Variants in MACROD2 observed in about 807,000 individuals in gnomAD.
MACROD2 encodes mono-ADP ribosylhydrolase 2, also known as ADP-ribose glycohydrolase MACROD2.
In MACROD2, 36 loss-of-function variants were observed where a neutral mutation model predicts 70.4. The ratio of observed to expected loss-of-function variants is 0.51; its 90% CI spans 0.39 to 0.68. MACROD2 has a LOEUF of 0.68. MACROD2 is among the 30% of genes least tolerant of loss of function. The pLI, the probability that MACROD2 is intolerant of heterozygous loss-of-function variation, is 0.00. For missense variants in MACROD2, 496 were observed against 538.4 expected, an observed-to-expected ratio of 0.92 and a Z score of 0.78; for synonymous variants, 172 against 178.8, an observed-to-expected ratio of 0.96 and a Z score of 0.30.
intron 5 of MACROD2, among the ~76,000 whole-genome samples, chr20:15,106,793 A>G (rs536301017): frequency 6.6e-6 from 1 of 152,064 alleles, no homozygotes; most frequent in Admixed American, 6.6e-5. Context: ...TAGGTGCACA[A>G]ATATATCTCT....
intron 5 of MACROD2, among the ~76,000 whole-genome samples, chr20:14,796,702 C>T (rs530994399): frequency 1.3e-5 from 2 of 152,024 alleles, no homozygotes; most frequent in African/African-American, 2.4e-5. Context: ...TTCATATTCT[C>T]ACATACATAA....
At position 14,551,530 on chromosome 20, in the gene MACROD2, G is replaced by T. The variant is rs911335129; in HGVS notation, c.301+58022G>T. ...CACATTATATTGACAATATATTTTT[G>T]TTTACAAATATGCCAGGTGGCCTGG... On this transcript the variant is annotated intron_variant, in intron 4 of 17. Transcript: ENST00000684519. Among the ~76,000 whole-genome samples, 5 of 152,118 alleles carry T rather than the reference G, an allele frequency of 3.3e-5. No homozygotes were observed. In the South Asian group the frequency reaches 8.3e-4, roughly 25 times the overall value.
chr20:14,255,012 G>C (rs555800916), intron 3 of MACROD2, among the ~76,000 whole-genome samples: 2 of 151,670 alleles, frequency 1.3e-5, no homozygotes, highest in East Asian at 3.9e-4. Flanking sequence ...AGCTTAGTTT[G>C]GCTGGATATG....
chr20:15,517,639 G>C (rs993098437), intron 8 of MACROD2, among the ~76,000 whole-genome samples: 1 of 152,186 alleles, frequency 6.6e-6, no homozygotes, highest in Non-Finnish European at 1.5e-5. Flanking sequence ...AGGGGGAGTA[G>C]AGAAAGGGGT....
intron 8 of MACROD2, among the ~76,000 whole-genome samples, chr20:15,582,119 C>T (rs2048533306): frequency 9.2e-6 from 1 of 108,780 alleles, no homozygotes; most frequent in African/African-American, 2.6e-5. Context: ...CAGACTCGGT[C>T]TCAAAAAAAA....
intron 15 of MACROD2, among the ~76,000 whole-genome samples, chr20:16,000,651 A>G (rs1013652676): frequency 6.6e-6 from 1 of 152,202 alleles, no homozygotes. Flanking sequence ...AGAAGGTTCT[A>G]CCTACTTTCC....
At chr20:15,868,140 G>A (rs561224729) in intron 9 of MACROD2, among the ~76,000 whole-genome samples, 2 of 152,286 alleles carry the variant, frequency 1.3e-5, no homozygotes, top group East Asian at 1.9e-4. Context: ...GGCCATTGCC[G>A]CAGTCTTTGC....
At chr20:15,902,222 C>G (rs1224661508) in intron 10 of MACROD2, among the ~76,000 whole-genome samples, 1 of 152,156 alleles carries the variant, frequency 6.6e-6, no homozygotes, top group Non-Finnish European at 1.5e-5. Flanking sequence ...ACTCATTCCA[C>G]ATACTTTTGT....
At chr20:15,124,243 A>T (rs1398434472) in intron 5 of MACROD2, among the ~76,000 whole-genome samples, 1 of 150,646 alleles carries the variant, frequency 6.6e-6, no homozygotes, top group African/African-American at 2.4e-5. Flanking sequence ...AAGTAATTTT[A>T]AAAATGTTGG....
chr20:15,503,114 T>G (rs1328477542), intron 8 of MACROD2, among the ~76,000 whole-genome samples: 2 of 152,184 alleles, frequency 1.3e-5, no homozygotes, highest in Non-Finnish European at 2.9e-5. Flanking sequence ...ATGTCTGTTA[T>G]AAATGTAAAT....
chr20:15,431,172 C>G (rs758458621), intron 6 of MACROD2, among the ~76,000 whole-genome samples: 3 of 152,008 alleles, frequency 2.0e-5, no homozygotes, highest in Non-Finnish European at 4.4e-5. Flanking sequence ...AATTGCCTCA[C>G]AAGATTCCTG....
intron 3 of MACROD2, among the ~76,000 whole-genome samples, chr20:14,117,929 C>G (rs2054535924): frequency 6.6e-6 from 1 of 152,128 alleles, no homozygotes; most frequent in Non-Finnish European, 1.5e-5. Context: ...ATTTTACTTC[C>G]ATGACTAGGT....
intron 5 of MACROD2, among the ~76,000 whole-genome samples, chr20:14,867,155 G>T (rs1230820074): frequency 6.6e-6 from 1 of 152,152 alleles, no homozygotes; most frequent in Non-Finnish European, 1.5e-5. Flanking sequence ...TAAATACTGA[G>T]TTCCTGGAGA....
intron 8 of MACROD2, among the ~76,000 whole-genome samples, chr20:15,747,686 G>A (rs1455254807): frequency 6.6e-6 from 1 of 152,056 alleles, no homozygotes; most frequent in Admixed American, 6.5e-5. Flanking sequence ...ATTATTTCCA[G>A]AATTTTTTTT....
chr20:16,007,834 G>A (rs1485738530), intron 15 of MACROD2, among the ~76,000 whole-genome samples: 2 of 152,016 alleles, frequency 1.3e-5, no homozygotes, highest in African/African-American at 2.4e-5. Flanking sequence ...TATGACACTC[G>A]AGAGGGTATG....
At chr20:15,051,791 C>T (rs547492800) in intron 5 of MACROD2, among the ~76,000 whole-genome samples, 11 of 151,222 alleles carry the variant, frequency 7.3e-5, no homozygotes, top group East Asian at 5.9e-4. Context: ...TCTCTGTCCC[C>T]GCCAGGCTGG....
chr20:15,483,780 A>T (rs1230047409), intron 7 of MACROD2, among the ~76,000 whole-genome samples: 2 of 151,710 alleles, frequency 1.3e-5, no homozygotes, highest in African/African-American at 4.8e-5. Flanking sequence ...TCTTTTACAT[A>T]TTTTGTTAGA....
At chr20:14,336,891 A>G (rs1412560330) in intron 3 of MACROD2, among the ~76,000 whole-genome samples, 1 of 152,226 alleles carries the variant, frequency 6.6e-6, no homozygotes, top group South Asian at 2.1e-4. Context: ...GTAGCTGTTA[A>G]TCCTTTACAG....
intron 3 of MACROD2, among the ~76,000 whole-genome samples, chr20:14,469,035 C>T (rs903755243): frequency 3.9e-5 from 6 of 152,034 alleles, no homozygotes; most frequent in African/African-American, 9.7e-5. Flanking sequence ...ATGGTCTTTA[C>T]AATTCGGTAT....
Sources: gnomAD v4.1 joint callset for allele counts (sites outside exome capture counted in the v4.1 genomes callset) on GRCh38, gnomAD v4.1.1 for gene constraint, MANE v1.5 for transcripts, NCBI Gene and HGNC (gene_info 2026-07-23, HGNC 2026-07-21) for gene names.